ACADVL: variants seen among roughly 807,000 people sequenced by gnomAD.
ACADVL encodes acyl-CoA dehydrogenase very long chain.
A neutral mutation model predicts 80.4 loss-of-function variants in ACADVL; 73 were observed. The observed-to-expected ratio is 0.91, with a 90% CI of 0.75 to 1.10. The LOEUF (loss-of-function observed/expected upper bound fraction) is 1.10, where lower values mean the gene tolerates loss of function less well. Among genes scored for constraint, ACADVL ranks in the 50% least tolerant of loss-of-function variants. ACADVL has a pLI of 0.00. For missense variants in ACADVL, 878 were observed against 858.9 expected (o/e 1.02, Z -0.28); for synonymous variants, 392 against 326.5 (o/e 1.20, Z -2.16).
At chr17:7,217,316 G>C, upstream of ACADVL, 1 of 997,608 alleles carries the variant, frequency 1.0e-6, no homozygotes, top group Non-Finnish European at 1.3e-6. Context: ...GAAGGGAAGG[G>C]GAGGGGAGCG....
chr17:7,219,590 C>T, upstream of ACADVL: 1 of 1,162,222 alleles, frequency 8.6e-7, no homozygotes, highest in South Asian at 1.9e-5. Context: ...TGCCATCTAC[C>T]TTACACTTCT....
chr17:7,220,365 T>TC, intron 2 of ACADVL, 99 bp from the exon 3 acceptor site: 1 of 1,583,224 alleles, frequency 6.3e-7, no homozygotes, highest in Non-Finnish European at 8.7e-7. Context: ...AGGGGAAAGG[T>TC]CACCGCTTCG....
upstream of ACADVL, chr17:7,217,752 C>T (rs2070999214): frequency 6.5e-7 from 1 of 1,535,264 alleles, no homozygotes; most frequent in Middle Eastern, 1.7e-4. Flanking sequence ...GAAGCAGAAG[C>T]ACAGAGGCCC....
At chr17:7,219,868 T>C (rs757178968), upstream of ACADVL, 583 of 1,539,378 alleles carry the variant, frequency 3.8e-4, no homozygotes, top group Non-Finnish European at 5.1e-4. Context: ...CCCGCAACCG[T>C]CCGCCGCCCG....
At chr17:7,224,737 C>T in intron 18 of ACADVL, 23 bp downstream of exon 18, 1 of 1,609,826 alleles carries the variant, frequency 6.2e-7, no homozygotes, top group Non-Finnish European at 8.5e-7. Flanking sequence ...GCAGGGAATG[C>T]CTGAGCCGCA....
At position 7,224,388 on chromosome 17, in the gene ACADVL, G is replaced by A. The variant is rs2230180; in HGVS notation, c.1600G>A (p.Glu534Lys). ...CCACCCGGAGTTGAGTCGGAGTGGCGAGCTGGTAAGTGGCCAGGGGTCCAG... is the reference window on the plus strand; with the variant it reads ...CCACCCGGAGTTGAGTCGGAGTGGCAAGCTGGTAAGTGGCCAGGGGTCCAG... ...LVHPELSRSGELAVRALEQFA... is the reference protein window; with the variant it reads ...LVHPELSRSGKLAVRALEQFA... Residue 534 changes from glutamate (E) to lysine (K), a missense_variant, in exon 16 of 20, where the codon GAG (glutamate) becomes AAG (lysine). Coordinates refer to ENST00000356839, the MANE Select transcript of ACADVL (RefSeq NM_000018.4). The A allele has an allele frequency of 1.5e-3, 2,398 of 1,613,754 alleles. 42 individuals are homozygous for A. In the African/African-American group the frequency reaches 0.028, roughly 19 times the overall value.
At chr17:7,220,894 C>G (rs550405637) in intron 5 of ACADVL, 30 bp from the exon 6 acceptor site, 1 of 1,614,046 alleles carries the variant, frequency 6.2e-7, no homozygotes, top group Non-Finnish European at 8.5e-7. Flanking sequence ...TCAAAAGGAG[C>G]CTGGATGTGG....
intron 11 of ACADVL, 49 bp downstream of exon 11, chr17:7,223,286 C>A: frequency 6.5e-7 from 1 of 1,531,674 alleles, no homozygotes; most frequent in South Asian, 1.1e-5. Flanking sequence ...GCTTTCTTCC[C>A]AGTCGGGTCA....
Position 7,224,363 on chromosome 17 carries a change from C to A in ACADVL, c.1575C>A (p.Val525=), listed in dbSNP as rs745996278. 32 of 1,613,730 alleles carry A rather than the reference C, an allele frequency of 2.0e-5. No homozygotes were observed. The Middle Eastern group carries it at 1.8e-3, about 91-fold the overall frequency. The change falls in exon 16 of 20, where the codon GTC becomes GTA. Residue 525 remains valine, a synonymous_variant. Transcript: ENST00000356839. ...LGSGLSLSGL[V]HPELSRSGEL... Reference sequence around the variant, plus strand: ...GCGGCCTGAGTCTCAGCGGACTTGTCCACCCGGAGTTGAGTCGGAGTGGCG... The same window carrying A: ...GCGGCCTGAGTCTCAGCGGACTTGTACACCCGGAGTTGAGTCGGAGTGGCG...
At chr17:7,218,061 A>G (rs892103727), upstream of ACADVL, among the ~76,000 whole-genome samples, 1 of 151,476 alleles carries the variant, frequency 6.6e-6, no homozygotes, top group African/African-American at 2.4e-5. Flanking sequence ...CGAGGAAGAA[A>G]GGGAGAGTGG....
At chr17:7,219,002 A>T, upstream of ACADVL, 1 of 765,630 alleles carries the variant, frequency 1.3e-6, no homozygotes. Flanking sequence ...CACCGCCACC[A>T]TCTTGCTCCA....
Position 7,222,257 on chromosome 17 carries a change from A to T in ACADVL, c.833A>T (p.Lys278Met), listed in dbSNP as rs762152455. The T allele has an allele frequency of 4.2e-5, 68 of 1,614,000 alleles. No individual in the cohort carries two copies. Among genetic ancestry groups the T allele is most frequent in the Non-Finnish European group, 5.5e-5 (65 of 1,180,010 alleles). Residue 278 changes from lysine (K) to methionine (M), a missense_variant, in exon 9 of 20, where the codon AAG becomes ATG. Transcript: ENST00000356839. Reference sequence around the variant, plus strand: ...CCAGCCACAGGAGCCGTGAAGGAGAAGATCACAGCTTTTGTGGTGGAGAGG... The same window carrying T: ...CCAGCCACAGGAGCCGTGAAGGAGATGATCACAGCTTTTGTGGTGGAGAGG... ...TDPATGAVKE[K>M]ITAFVVERGF... is the part of the protein sequence containing the mutation.
chr17:7,217,278 G>T, upstream of ACADVL: 1 of 1,178,788 alleles, frequency 8.5e-7, no homozygotes, highest in Non-Finnish European at 1.1e-6. Context: ...GATGGGGGGA[G>T]GGGTGAGAGG....
intron 7 of ACADVL, 34 bp downstream of exon 7, chr17:7,221,716 G>A: frequency 6.2e-7 from 1 of 1,613,188 alleles, no homozygotes; most frequent in Non-Finnish European, 8.5e-7. Context: ...GGGATTGGGG[G>A]GCACACTGGG....
Position 7,225,212 on chromosome 17 carries a change from C to A in ACADVL, c.*115C>A. ...GGGGCCTAGTGTTCCCAGCACTGTG[C>A]CTGCTCTCAAGAGCACTTACTGCCT... On this transcript the variant is annotated 3_prime_UTR_variant, in exon 20 of 20. Transcript: ENST00000356839. 1 of 1,453,236 alleles carries A rather than the reference C, an allele frequency of 6.9e-7. No individual in the cohort carries two copies. The highest frequency in any genetic ancestry group is 9.5e-7 in the Non-Finnish European group (1 of 1,048,678). 90.0% of individuals were successfully genotyped at this position (1,453,236 alleles called of 1,614,324 possible).
chr17:7,217,674 G>A (rs947456289), upstream of ACADVL: 9 of 1,481,708 alleles, frequency 6.1e-6, no homozygotes, highest in South Asian at 7.2e-5. Context: ...AGCCAGAATG[G>A]GGGGGGTGCC....
Position 7,220,648 on chromosome 17 carries a change from C to T in ACADVL, c.249C>T (p.Thr83=), listed in dbSNP as rs751066230. Residue 83 remains threonine (T), a synonymous_variant, in exon 4 of 20, where the codon ACC becomes ACT. Coordinates refer to ENST00000356839, the MANE Select transcript of ACADVL (RefSeq NM_000018.4). ...FAVGMFKGQL[T]TDQVFPYPSV... is the part of the protein sequence containing the mutation. ...TGGGAATGTTCAAAGGCCAGCTCAC[C>T]ACAGATCAGGTGTTCCCATACCCGT... is the stretch of plus-strand genomic sequence containing the variant. The T allele has an allele frequency of 1.2e-6, 2 of 1,614,046 alleles. No individual in the cohort carries two copies. Among genetic ancestry groups the T allele is most frequent in the Non-Finnish European group, 8.5e-7 (1 of 1,180,034 alleles).
chr17:7,222,447 A>G, intron 9 of ACADVL, 145 bp downstream of exon 9: 1 of 1,326,394 alleles, frequency 7.5e-7, no homozygotes, highest in Non-Finnish European at 1.0e-6. Context: ...ATATGTATGC[A>G]ACTGAGCTAA....
chr17:7,218,369 C>T, upstream of ACADVL: 1 of 1,476,026 alleles, frequency 6.8e-7, no homozygotes, highest in Admixed American at 1.9e-5. Flanking sequence ...GGCTGGCTGG[C>T]AAGGGAGGAG....
Sources: gnomAD v4.1 joint callset for allele counts (sites outside exome capture counted in the v4.1 genomes callset) on GRCh38, gnomAD v4.1.1 for gene constraint, MANE v1.5 for transcripts, NCBI Gene and HGNC (gene_info 2026-07-23, HGNC 2026-07-21) for gene names.